Variants in ADCY1 observed in about 807,000 individuals in gnomAD.
ADCY1 encodes adenylate cyclase 1.
Under a neutral mutation model 105.4 loss-of-function variants are expected in ADCY1, and 28 were observed. That is an observed-to-expected ratio of 0.27 (90% CI 0.20 to 0.36). ADCY1 has a LOEUF of 0.36. Among genes scored for constraint, ADCY1 ranks in the 10% least tolerant of loss-of-function variants. The pLI is 1.00. For synonymous variants in ADCY1, 655 were observed against 623.8 expected (o/e 1.05, Z -0.75); for missense variants, 977 against 1,434.2 (o/e 0.68, Z 5.15).
At chr7:45,603,208 C>A (rs560144600) in intron 2 of ADCY1, among the ~76,000 whole-genome samples, 2 of 152,170 alleles carry the variant, frequency 1.3e-5, no homozygotes, top group Non-Finnish European at 2.9e-5. Context: ...TATCTGTTCA[C>A]GGCTGATACA....
rs71030884 is a variant in ADCY1, at chr7:45,635,601, GTTTTTTTTTTT to G, written c.1020+12876_1020+12886del. Among the ~76,000 whole-genome samples, 145 of 57,212 alleles carry G rather than the reference GTTTTTTTTTTT, an allele frequency of 2.5e-3. 2 individuals are homozygous for G. Among genetic ancestry groups the G allele is most frequent in the South Asian group, 8.4e-3 (13 of 1,548 alleles). 37.5% of individuals were successfully genotyped at this position (57,212 alleles called of 152,430 possible). On this transcript the variant is annotated intron_variant, in intron 4 of 19. Transcript: ENST00000297323. ...TTCAAAATACTTTCTAATTTCTCTTGTTTTTTTTTTTTTTTTTTTTTTTTTTTTCCAGACCC... is the reference window on the plus strand; with the variant it reads ...TTCAAAATACTTTCTAATTTCTCTTGTTTTTTTTTTTTTTTTTCCAGACCC...
At chr7:45,618,743 G>A (rs1038280474) in intron 3 of ADCY1, among the ~76,000 whole-genome samples, 15 of 152,246 alleles carry the variant, frequency 9.9e-5, no homozygotes, top group African/African-American at 3.1e-4. Context: ...AGAAAAAAGA[G>A]ATCTCTTGTA....
chr7:45,613,237 G>C (rs771186875), intron 3 of ADCY1, among the ~76,000 whole-genome samples: 9 of 152,174 alleles, frequency 5.9e-5, no homozygotes, highest in Admixed American at 1.3e-4. Context: ...CAAAGAAATA[G>C]AAAATATTAA....
chr7:45,613,162 A>G (rs1793638843), intron 3 of ADCY1, among the ~76,000 whole-genome samples: 2 of 152,240 alleles, frequency 1.3e-5, no homozygotes, highest in South Asian at 2.1e-4. Flanking sequence ...ACAATTTAAA[A>G]TAACTCCCAT....
At chr7:45,590,139 G>A (rs1792867333) in intron 1 of ADCY1, among the ~76,000 whole-genome samples, 1 of 152,130 alleles carries the variant, frequency 6.6e-6, no homozygotes, top group Non-Finnish European at 1.5e-5. Context: ...CGGGCTGCTA[G>A]CCCACACGGA....
chr7:45,610,524 C>T (rs200713080), intron 3 of ADCY1, 27 bp downstream of exon 3: 69 of 1,591,154 alleles, frequency 4.3e-5, no homozygotes, highest in East Asian at 2.0e-4. Flanking sequence ...CCCGGCACAG[C>T]GGGGAGCCTG....
At chr7:45,611,185 G>A (rs997903356) in intron 3 of ADCY1, among the ~76,000 whole-genome samples, 10 of 151,190 alleles carry the variant, frequency 6.6e-5, no homozygotes, top group Non-Finnish European at 1.0e-4. Context: ...GATGGTGCAG[G>A]TGGGGAGATA....
At chr7:45,602,855 A>G (rs1318715469) in intron 2 of ADCY1, among the ~76,000 whole-genome samples, 3 of 152,240 alleles carry the variant, frequency 2.0e-5, no homozygotes, top group Non-Finnish European at 4.4e-5. Context: ...ACATATGTCA[A>G]ATGATCTTAT....
At chr7:45,680,351 G>T (rs1182262127) in intron 11 of ADCY1, 1 of 170,408 alleles carries the variant, frequency 5.9e-6, no homozygotes, top group Admixed American at 5.4e-5. Context: ...TGCTCTGTGG[G>T]CTTTTGCAGG....
Position 45,662,485 on chromosome 7 carries a change from C to A in ADCY1, c.1605+271C>A, listed in dbSNP as rs569438239. ...CATAAATTCAAGCTAAAATTCCCCA[C>A]CTGCTGTCTAAATGGCCTCTGAGGG... is the stretch of plus-strand genomic sequence containing the variant. On this transcript the variant is annotated intron_variant, in intron 8 of 19. Transcript: ENST00000297323. Among the ~76,000 whole-genome samples, 365 of 152,336 alleles carry A rather than the reference C, an allele frequency of 2.4e-3. 1 individual carries two copies. Among genetic ancestry groups the A allele is most frequent in the African/African-American group, 8.5e-3 (353 of 41,590 alleles).
chr7:45,603,610 A>G (rs745604023), intron 2 of ADCY1, among the ~76,000 whole-genome samples: 2 of 152,188 alleles, frequency 1.3e-5, no homozygotes, highest in East Asian at 1.9e-4. Flanking sequence ...CAATATCACA[A>G]CTAGGATATT....
rs913527886 is a variant in ADCY1 at position 45,679,690 on chromosome 7, C to T, written c.1899-19C>T. On this transcript the variant is annotated intron_variant, in intron 10 of 19. Transcript: ENST00000297323. ...CTAATCCCCACCTATCAGTGACTCT[C>T]ATGTTTTCTGTCCCCCAGGAGTGTG... 1 of 1,613,976 alleles carries T rather than the reference C, an allele frequency of 6.2e-7. No individual in the cohort carries two copies. Among genetic ancestry groups the T allele is most frequent in the South Asian group, 1.1e-5 (1 of 91,082 alleles).
intron 2 of ADCY1, among the ~76,000 whole-genome samples, chr7:45,599,327 G>A (rs1793158038): frequency 6.6e-6 from 1 of 151,856 alleles, no homozygotes; most frequent in South Asian, 2.1e-4. Context: ...CCATGCTGAG[G>A]CGTCTTGTTC....
chr7:45,646,123 G>A (rs1452309189), intron 4 of ADCY1, among the ~76,000 whole-genome samples: 1 of 152,114 alleles, frequency 6.6e-6, no homozygotes, highest in Non-Finnish European at 1.5e-5. Flanking sequence ...TTTGGAAGCA[G>A]GCCTGAATGC....
chr7:45,660,196 G>A lies in ADCY1; in HGVS notation c.1449+13G>A, dbSNP rs769140740. 2 of 1,613,986 alleles carry A rather than the reference G, an allele frequency of 1.2e-6. No individual in the cohort carries two copies. The highest frequency in any genetic ancestry group is 1.7e-6 in the Non-Finnish European group (2 of 1,179,896). On this transcript the variant is annotated intron_variant, in intron 7 of 19. Coordinates refer to ENST00000297323, the MANE Select transcript of ADCY1 (RefSeq NM_021116.4). ...CCATCGCCGAAAGGTAGGCACCAGA[G>A]CCCCCCTCATTTGGTTGATCCTTAG... is the stretch of plus-strand genomic sequence containing the variant.
chr7:45,703,485 G>A lies in ADCY1; in HGVS notation c.2564G>A (p.Arg855Gln), dbSNP rs776941723. The A allele has an allele frequency of 2.2e-5, 35 of 1,613,882 alleles. No homozygotes were observed. The highest frequency in any genetic ancestry group is 2.9e-5 in the Non-Finnish European group (34 of 1,179,986). Residue 855 changes from arginine (R) to glutamine (Q), a missense_variant, in exon 15 of 20, where the codon CGG (arginine) becomes CAG (glutamine). Transcript: ENST00000297323. This position sits in a 1 kb window ranked among gnomAD's most constrained non-coding sequence, Gnocchi z 5.9. Reference protein sequence around the residue: ...VAQHFLMSNPRNMDLYYQSYS... With the variant: ...VAQHFLMSNPQNMDLYYQSYS... ...CAGCACTTCCTCATGTCCAACCCTCGGAACATGGTGAGCACCCAGCCTGCT... is the reference window on the plus strand; with the variant it reads ...CAGCACTTCCTCATGTCCAACCCTCAGAACATGGTGAGCACCCAGCCTGCT...
chr7:45,594,191 T>G (rs1322356650), intron 2 of ADCY1, among the ~76,000 whole-genome samples: 2 of 152,196 alleles, frequency 1.3e-5, no homozygotes, highest in Non-Finnish European at 2.9e-5. Context: ...GTCTGTGATA[T>G]GCAGGGATAT....
At position 45,708,332 on chromosome 7, in the gene ADCY1, C is replaced by G. The variant is rs569677056; in HGVS notation, c.2818-18C>G. 40 of 1,580,386 alleles carry G rather than the reference C, an allele frequency of 2.5e-5. 1 individual carries two copies. In the South Asian group the frequency reaches 3.9e-4, roughly 15 times the overall value. On this transcript the variant is annotated intron_variant, in intron 17 of 19. Transcript: ENST00000297323. The surrounding 1 kb of genome is among the most constrained non-coding windows in gnomAD (Gnocchi z 4.7). ...CTTGCACTCCCCAGATGTAATGACC[C>G]CATCTGTTTACACCTAGGCTAAGAA...
At chr7:45,600,503 G>A (rs570397248) in intron 2 of ADCY1, among the ~76,000 whole-genome samples, 5 of 152,370 alleles carry the variant, frequency 3.3e-5, no homozygotes, top group South Asian at 2.1e-4. Flanking sequence ...GGGACAGCAC[G>A]TCAGTTAGAA....
Sources: gnomAD v4.1 joint callset for allele counts (sites outside exome capture counted in the v4.1 genomes callset) on GRCh38, gnomAD v4.1.1 for gene constraint, Gnocchi (gnomAD v3.1) non-coding constraint, MANE v1.5 for transcripts, NCBI Gene and HGNC (gene_info 2026-07-23, HGNC 2026-07-21) for gene names.